ELP2: variants seen among roughly 807,000 people sequenced by gnomAD.
ELP2 encodes the protein elongator complex protein 2.
ELP2 carries 90 observed loss-of-function variants against 119.2 expected under a neutral mutation model. The observed-to-expected ratio is 0.75, with a 90% confidence interval of 0.64 to 0.90. The LOEUF (loss-of-function observed/expected upper bound fraction) is 0.90, where lower values mean the gene tolerates loss of function less well. ELP2 is among the 40% of genes least tolerant of loss of function. ELP2 has a pLI of 0.00. For synonymous variants in ELP2, 339 were observed against 331.0 expected, an observed-to-expected ratio of 1.02 and a Z score of -0.26; for missense variants, 921 against 967.8, an observed-to-expected ratio of 0.95 and a Z score of 0.64.
At chr18:36,134,984 G>A (rs906815892) in intron 2 of ELP2, among the ~76,000 whole-genome samples, 2 of 152,154 alleles carry the variant, frequency 1.3e-5, no homozygotes, top group African/African-American at 4.8e-5. Flanking sequence ...GTTTTAATAA[G>A]CTACTTATTT....
intron 11 of ELP2, among the ~76,000 whole-genome samples, chr18:36,151,229 C>T (rs2090388860): frequency 6.6e-6 from 1 of 151,968 alleles, no homozygotes; most frequent in South Asian, 2.1e-4. Context: ...AGACTACAGG[C>T]AGGCACCGCC....
At chr18:36,165,502 A>G (rs1312529655) in intron 18 of ELP2, among the ~76,000 whole-genome samples, 1 of 152,220 alleles carries the variant, frequency 6.6e-6, no homozygotes, top group Non-Finnish European at 1.5e-5. Context: ...CAGGGACTGT[A>G]AAGTATACTC....
intron 3 of ELP2, among the ~76,000 whole-genome samples, chr18:36,137,796 T>C (rs1386622976): frequency 2.9e-5 from 3 of 104,602 alleles, no homozygotes; most frequent in Non-Finnish European, 5.8e-5. Context: ...TATACTCATA[T>C]TATCACCAAA....
chr18:36,173,040 T>A (rs931216070), intron 21 of ELP2, among the ~76,000 whole-genome samples: 4 of 152,210 alleles, frequency 2.6e-5, no homozygotes, highest in African/African-American at 9.6e-5. Flanking sequence ...TTCTTAAATA[T>A]GACATGTTAA....
Position 36,146,406 on chromosome 18 carries a change from G to A in ELP2, c.1125+25G>A, listed in dbSNP as rs749372212. The A allele has an allele frequency of 1.7e-5, 28 of 1,611,498 alleles. No individual in the cohort carries two copies. In the South Asian group the frequency reaches 2.9e-4, roughly 16 times the overall value. On this transcript the variant is annotated intron_variant, in intron 11 of 21. Transcript: ENST00000358232. ...AGTAAGAAAAGAGTGTTTAAATAAA[G>A]CATTTCTAATCAAATAGAGTACATT... is the stretch of plus-strand genomic sequence containing the variant.
chr18:36,159,527 C>T (rs1423080392), intron 14 of ELP2, among the ~76,000 whole-genome samples: 2 of 152,084 alleles, frequency 1.3e-5, no homozygotes, highest in African/African-American at 2.4e-5. Context: ...TGGAAAGAAC[C>T]TTTATGGAGT....
Position 36,138,875 on chromosome 18 carries a change from G to A in ELP2, c.523+3G>A. On this transcript the variant is annotated splice_donor_region_variant and intron_variant, in intron 5 of 21. Coordinates refer to ENST00000358232, the MANE Select transcript of ELP2 (RefSeq NM_018255.4). ...ATCTTTTTTGCCAAATACTGATGGT[G>A]AGTATCCTGTTAAGTATATGTTAAA... is the stretch of plus-strand genomic sequence containing the variant. 6.2e-7 allele frequency: 1 copy of A among 1,610,706 alleles called. No individual in the cohort carries two copies. The highest frequency in any genetic ancestry group is 8.5e-7 in the Non-Finnish European group (1 of 1,177,152).
rs572842389 is a variant in ELP2 at position 36,143,474 on chromosome 18, A to C, written c.796+508A>C. On this transcript the variant is annotated intron_variant, in intron 8 of 21. Transcript: ENST00000358232. ...CTTACCCAGGTTGGAGTGCAGTGGCATAATCACAGCTCACTGCAGCCTTGA... is the reference window on the plus strand; with the variant it reads ...CTTACCCAGGTTGGAGTGCAGTGGCCTAATCACAGCTCACTGCAGCCTTGA... Among the ~76,000 whole-genome samples the C allele has an allele frequency of 5.9e-5, 8 of 135,014 alleles. No individual in the cohort carries two copies. The South Asian group carries it at 1.9e-3, about 32-fold the overall frequency. The allele number at this position is 135,014 out of a possible 152,430, so 88.6% of individuals were successfully genotyped here. A position where few individuals can be genotyped will look rare whatever the true frequency, so the allele number is the denominator to read the frequency against.
chr18:36,170,758 T>C (rs2091054948), intron 20 of ELP2: 1 of 471,782 alleles, frequency 2.1e-6, no homozygotes, highest in South Asian at 2.3e-5. Flanking sequence ...TAATACTTTC[T>C]CTGTAACAAG....
intron 18 of ELP2, 32 bp downstream of exon 18, chr18:36,164,699 G>A: frequency 1.3e-6 from 2 of 1,599,934 alleles, no homozygotes; most frequent in Non-Finnish European, 1.7e-6. Flanking sequence ...AAAGTTATTA[G>A]TGAAACAGTT....
chr18:36,164,974 A>T (rs1361350598), intron 18 of ELP2: 1 of 358,848 alleles, frequency 2.8e-6, no homozygotes, highest in Non-Finnish European at 5.2e-6. Flanking sequence ...ATGGTGATAG[A>T]ATGCTACCAC....
chr18:36,131,716 A>G (rs72886880), intron 1 of ELP2, among the ~76,000 whole-genome samples: 8,360 of 152,282 alleles, frequency 0.055, 335 homozygotes, highest in East Asian at 0.17. Flanking sequence ...TAAGATGATT[A>G]TACTCATGCT....
Position 36,177,135 on chromosome 18 carries a change from A to G in ELP2, c.*2494A>G, listed in dbSNP as rs2091243229. On this transcript the variant is annotated 3_prime_UTR_variant, in exon 22 of 22. Coordinates refer to ENST00000358232, the MANE Select transcript of ELP2 (RefSeq NM_018255.4). ...ACTTATGAAATACATAAAAAATATG[A>G]TGGGTGGAGTGACGGACACATGGAC... 6.6e-6 allele frequency: 1 copy of G among 152,048 alleles called. No individual in the cohort carries two copies. Among genetic ancestry groups the G allele is most frequent in the East Asian group, 1.9e-4 (1 of 5,188 alleles). 9.4% of individuals were successfully genotyped at this position (152,048 alleles called of 1,614,324 possible).
At position 36,138,852 on chromosome 18, in the gene ELP2, CT is replaced by C. The variant is rs755055967; in HGVS notation, c.509del (p.Leu170CysfsTer9). On this transcript the variant is annotated frameshift_variant, in exon 5 of 22. Coordinates refer to ENST00000358232, the MANE Select transcript of ELP2 (RefSeq NM_018255.4). LOFTEE classifies it high-confidence loss of function. ...GGATTTGCTTTGGCTCTCTGCTTAT[CT>C]TTTTTGCCAAATACTGATGGTGAGT... The part of the protein sequence containing the change: ...GNGFALALCL[S>X]FLPNTDVPIL... The C allele has an allele frequency of 1.2e-6, 2 of 1,613,802 alleles. No homozygotes were observed. The highest frequency in any genetic ancestry group is 1.7e-5 in the Admixed American group (1 of 60,022).
chr18:36,170,553 A>T (rs981864318), intron 20 of ELP2, among the ~76,000 whole-genome samples: 21 of 152,000 alleles, frequency 1.4e-4, no homozygotes, highest in African/African-American at 4.8e-4. Context: ...ACCTCAAGTG[A>T]TCCATCTGCC....
chr18:36,150,742 T>A (rs565177102), intron 11 of ELP2, among the ~76,000 whole-genome samples: 2 of 152,308 alleles, frequency 1.3e-5, no homozygotes, highest in South Asian at 4.1e-4. Flanking sequence ...AAGGTCAGAT[T>A]TACATGCTTT....
intron 14 of ELP2, 33 bp downstream of exon 14, chr18:36,158,937 A>G (rs778466052): frequency 3.4e-6 from 5 of 1,461,144 alleles, no homozygotes; most frequent in African/African-American, 1.4e-5. Flanking sequence ...TATTAAACCC[A>G]TAGTGGTACT....
At chr18:36,131,581 A>C (rs1218172367) in intron 1 of ELP2, among the ~76,000 whole-genome samples, 1 of 152,174 alleles carries the variant, frequency 6.6e-6, no homozygotes, top group African/African-American at 2.4e-5. Flanking sequence ...ACTCCGTCGT[A>C]AAATTAGCAA....
At chr18:36,141,446 TG>T (rs1305969210) in intron 6 of ELP2, 2 of 505,158 alleles carry the variant, frequency 4.0e-6, no homozygotes, top group East Asian at 7.3e-5. Flanking sequence ...GGAGGAGAGA[TG>T]GAAGATGCTG....
Sources: allele counts gnomAD v4.1 joint callset (sites outside exome capture counted in the v4.1 genomes callset), GRCh38; gene constraint gnomAD v4.1.1; transcripts MANE v1.5; gene names NCBI Gene and HGNC (gene_info 2026-07-23, HGNC 2026-07-21).